The following PIEZO1 variants were observed in gnomAD, a reference collection of about 807,000 sequenced individuals.
PIEZO1 encodes piezo type mechanosensitive ion channel component 1 (Er blood group).
Under a neutral mutation model 297.2 loss-of-function variants are expected in PIEZO1, and 296 were observed. The ratio of observed to expected loss-of-function variants is 1.00; its 90% confidence interval spans 0.91 to 1.10. The LOEUF (loss-of-function observed/expected upper bound fraction) is 1.10. Ranked by LOEUF, PIEZO1 falls within the 50% of genes least tolerant of loss-of-function variation. PIEZO1 has a pLI of 0.00. For synonymous variants in PIEZO1, 2,427 were observed against 1,507.5 expected (o/e 1.61, Z -14.13); for missense variants, 5,018 against 3,455.5 (o/e 1.45, Z -11.34).
chr16:88,745,907 G>T (rs1004837242), intron 2 of PIEZO1, among the ~76,000 whole-genome samples: 1 of 152,220 alleles, frequency 6.6e-6, no homozygotes, highest in African/African-American at 2.4e-5. Context: ...CCCCGGCACG[G>T]CCTGCAAAGG....
Position 88,737,917 on chromosome 16 carries a change from G to T in PIEZO1, c.1020+17C>A. 1 of 1,530,002 alleles carries T rather than the reference G, an allele frequency of 6.5e-7. No individual in the cohort carries two copies. Among genetic ancestry groups the T allele is most frequent in the Non-Finnish European group, 8.8e-7 (1 of 1,142,528 alleles). 94.8% of individuals were successfully genotyped at this position (1,530,002 alleles called of 1,614,324 possible). ...GGCCTGGCCTCAGCCCACCCACCAT[G>T]GGTGGCAGGTGCTCACCTGGCCGGA... is the stretch of plus-strand genomic sequence containing the variant. On this transcript the variant is annotated intron_variant, in intron 8 of 50. Transcript: ENST00000301015.
rs1001956636 is a variant in PIEZO1, at chr16:88,734,760, G to A, written c.1887C>T (p.Phe629=). 2.3e-5 allele frequency: 35 copies of A among 1,550,200 alleles called. No individual in the cohort carries two copies. The highest frequency in any genetic ancestry group is 3.0e-5 in the Non-Finnish European group (34 of 1,146,898). The change falls in exon 15 of 51, where the codon TTC becomes TTT. Residue 629 remains phenylalanine, a synonymous_variant. Transcript: ENST00000301015. ...YSLWRKLLKA[F]WWLVVAYTML... is the part of the protein sequence containing the mutation. Reference sequence around the variant, plus strand: ...TGGTGTAGGCCACCACGAGCCACCAGAAGGCCTTGAGCAGCTTCCGCCACA... The same window carrying A: ...TGGTGTAGGCCACCACGAGCCACCAAAAGGCCTTGAGCAGCTTCCGCCACA...
At position 88,716,435 on chromosome 16, in the gene PIEZO1, C is replaced by G. The variant is rs1026404950; in HGVS notation, c.6975G>C (p.Met2325Ile). ...GTVEYANEKH[M>I]LALAPNSTAR... ...CAGTGCTGTTGGGGGCCAGGGCCAGCATGTGCTTCTCGTTGGCATACTCCA... is the reference window on the plus strand; with the variant it reads ...CAGTGCTGTTGGGGGCCAGGGCCAGGATGTGCTTCTCGTTGGCATACTCCA... Residue 2325 changes from methionine to isoleucine, a missense_variant, in exon 48 of 51, where the codon ATG becomes ATC. Transcript: ENST00000301015. 1.9e-6 allele frequency: 3 copies of G among 1,549,816 alleles called. No individual in the cohort carries two copies. Among genetic ancestry groups the G allele is most frequent in the South Asian group, 2.4e-5 (2 of 83,966 alleles).
At chr16:88,773,018 T>C (rs905423912) in intron 1 of PIEZO1, among the ~76,000 whole-genome samples, 8 of 152,308 alleles carry the variant, frequency 5.3e-5, no homozygotes, top group Non-Finnish European at 8.8e-5. Context: ...GCCTCTGGAA[T>C]GTGAGGCGGC....
At chr16:88,775,726 C>CAAAAAAA (rs3052234) in intron 1 of PIEZO1, among the ~76,000 whole-genome samples, 9 of 98,490 alleles carry the variant, frequency 9.1e-5, no homozygotes, top group Non-Finnish European at 1.3e-4. Context: ...AAGACGCTGT[C>CAAAAAAA]AAAAAAAAAA....
rs978028275 is a variant in PIEZO1, at chr16:88,731,517, C to T, written c.3196+189G>A. ...GAGAACAGCAGAGCCTGGAGGGGGC[C>T]AGGCCGCCCCCGAGAGACAGGATGC... On this transcript the variant is annotated intron_variant, in intron 22 of 50. Coordinates refer to ENST00000301015, the MANE Select transcript of PIEZO1 (RefSeq NM_001142864.4). The T allele has an allele frequency of 2.7e-5, 16 of 587,692 alleles. No individual in the cohort carries two copies. The African/African-American group carries it at 2.8e-4, about 10-fold the overall frequency. The allele number at this position is 587,692 out of a possible 1,614,324, so 36.4% of individuals were successfully genotyped here.
At chr16:88,722,158 C>G (rs1904284081) in intron 36 of PIEZO1, 60 bp downstream of exon 36, 2 of 1,522,826 alleles carry the variant, frequency 1.3e-6, no homozygotes, top group Admixed American at 2.0e-5. Flanking sequence ...TCTCCTGCCC[C>G]TGTTCGGCTG....
intron 1 of PIEZO1, among the ~76,000 whole-genome samples, chr16:88,750,272 G>T (rs1457211832): frequency 1.3e-5 from 2 of 151,492 alleles, no homozygotes; most frequent in South Asian, 4.2e-4. Flanking sequence ...GGAGGTGGAG[G>T]TTGCAGTGAG....
At position 88,715,388 on chromosome 16, in the gene PIEZO1, T is replaced by A; in HGVS notation, c.*217A>T. The A allele has an allele frequency of 9.5e-7, 1 of 1,048,826 alleles. No individual in the cohort carries two copies. Among genetic ancestry groups the A allele is most frequent in the Non-Finnish European group, 1.4e-6 (1 of 739,312 alleles). 65.0% of individuals were successfully genotyped at this position (1,048,826 alleles called of 1,614,324 possible). On this transcript the variant is annotated 3_prime_UTR_variant, in exon 51 of 51. Transcript: ENST00000301015. ...AACATTTTTTAATTAAAAAAAAAACTCTACAGTACACGTGGGGGACGGCAG... is the reference window on the plus strand; with the variant it reads ...AACATTTTTTAATTAAAAAAAAAACACTACAGTACACGTGGGGGACGGCAG...
At position 88,739,140 on chromosome 16, in the gene PIEZO1, G is replaced by A. The variant is rs540908010; in HGVS notation, c.466-404C>T. On this transcript the variant is annotated intron_variant, in intron 5 of 50. Transcript: ENST00000301015. ...CCGGGGGGTCTCTAGAGACCAAGGG[G>A]GCCTGAGGGACATGGCCAGGCTCCA... 1.2e-3 allele frequency: 222 copies of A among 183,498 alleles called. 1 individual carries two copies. Among genetic ancestry groups the A allele is most frequent in the African/African-American group, 5.0e-3 (213 of 42,504 alleles). The allele number at this position is 183,498 out of a possible 1,614,324, so 11.4% of individuals were successfully genotyped here.
In PIEZO1 at chr16:88,725,061, GC is replaced by G; in HGVS notation, c.4181del (p.Gly1394AlafsTer59). 2.7e-6 allele frequency: 4 copies of G among 1,500,558 alleles called. No homozygotes were observed. The highest frequency in any genetic ancestry group is 2.6e-5 in the South Asian group (2 of 76,556). 93.0% of individuals were successfully genotyped at this position (1,500,558 alleles called of 1,614,324 possible). ...ACCACTGCCTCCGTGGCGGGGAGGA[GC>G]CCCCTGGACTGTCGGGCCCTGTGGA... ...GLEPGPDSPG[G>X]SSPPRRQWWR... is the part of the protein sequence containing the mutation. On this transcript the variant is annotated frameshift_variant, in exon 30 of 51. Transcript: ENST00000301015. LOFTEE classifies it high-confidence loss of function.
chr16:88,720,564 T>TTCCCCCCCCCCCCC, intron 40 of PIEZO1, 32 bp from the exon 41 acceptor site: 4 of 1,542,046 alleles, frequency 2.6e-6, no homozygotes, highest in Non-Finnish European at 3.5e-6. Context: ...CTGGGCCCAG[T>TTCCCCCCCCCCCCC]ACCCGCCTCC....
intron 1 of PIEZO1, among the ~76,000 whole-genome samples, chr16:88,760,604 G>A (rs1906885620): frequency 6.6e-6 from 1 of 152,068 alleles, no homozygotes; most frequent in Non-Finnish European, 1.5e-5. Context: ...GCAGGACCCA[G>A]GGAGCCCAGG....
chr16:88,716,854 G>A lies in PIEZO1; in HGVS notation c.6705C>T (p.Phe2235=), dbSNP rs747798306. Residue 2235 remains phenylalanine, a synonymous_variant, in exon 46 of 51, where the codon TTC becomes TTT. Transcript: ENST00000301015. ...MSAQQPSIIP[F]TAQAYEELSR... is the part of the protein sequence containing the mutation. ...ACAGCTCCTCATAGGCCTGGGCCGT[G>A]AAGGGGATGATGGACGGCTGCTGGG... is the stretch of plus-strand genomic sequence containing the variant. The A allele has an allele frequency of 1.1e-4, 175 of 1,550,042 alleles. No individual in the cohort carries two copies. Among genetic ancestry groups the A allele is most frequent in the Non-Finnish European group, 1.4e-4 (160 of 1,146,962 alleles).
rs772067630 is a variant in PIEZO1 at position 88,721,223 on chromosome 16, G to C, written c.5611C>G (p.Leu1871Val). ...TCCTTCTTCCTTCTTCTAAAACGTA[G>C]ACTGATGCGCCTCGTATCACGGGGC... ...LRPRDTRRIS[L>V]RFRRRKKEGP... The change falls in exon 39 of 51, where the codon CTA becomes GTA. Residue 1871 changes from leucine (L) to valine (V), a missense_variant. Leu to Val is a conservative substitution (Grantham distance 32). Transcript: ENST00000301015. 6.5e-7 allele frequency: 1 copy of C among 1,537,386 alleles called. No homozygotes were observed. The highest frequency in any genetic ancestry group is 8.7e-7 in the Non-Finnish European group (1 of 1,144,502).
At position 88,738,563 on chromosome 16, in the gene PIEZO1, C is replaced by A; in HGVS notation, c.634+5G>T. ...ACTGCCAGTGCCCCCTGCCTCGGTG[C>A]GTACCTGCCAGTGCAAGCAGTGTTA... On this transcript the variant is annotated splice_donor_5th_base_variant and intron_variant, in intron 6 of 50. Transcript: ENST00000301015. 1.3e-6 allele frequency: 2 copies of A among 1,534,064 alleles called. No homozygotes were observed. Among genetic ancestry groups the A allele is most frequent in the Non-Finnish European group, 8.7e-7 (1 of 1,145,562 alleles).
In PIEZO1 at chr16:88,719,841, G is replaced by A. The variant is rs530443747; in HGVS notation, c.6284C>T (p.Thr2095Ile). ...GAGGTTGAGATGATTGTACTTCTTG[G>A]TGAGGAAGTTGCCGAGGATGCGGGT... The part of the protein sequence containing the change: ...YPTRILGNFL[T>I]KKYNHLNLFL... Residue 2095 changes from threonine to isoleucine, a missense_variant, in exon 43 of 51, where the codon ACC becomes ATC. Transcript: ENST00000301015. 1.7e-5 allele frequency: 26 copies of A among 1,550,576 alleles called. No individual in the cohort carries two copies. Among genetic ancestry groups the A allele is most frequent in the Non-Finnish European group, 2.3e-5 (26 of 1,146,954 alleles).
At chr16:88,775,149 C>A (rs1026800969) in intron 1 of PIEZO1, among the ~76,000 whole-genome samples, 4 of 152,196 alleles carry the variant, frequency 2.6e-5, no homozygotes, top group African/African-American at 9.7e-5. Context: ...GCAGAGGGGC[C>A]GTCCCTGACC....
In PIEZO1 at chr16:88,716,636, G is replaced by T. The variant is rs1264054211; in HGVS notation, c.6849C>A (p.Pro2283=). 5 of 1,549,470 alleles carry T rather than the reference G, an allele frequency of 3.2e-6. No homozygotes were observed. The highest frequency in any genetic ancestry group is 4.4e-6 in the Non-Finnish European group (5 of 1,146,858). The part of the protein sequence containing the change: ...SSGALWRISP[P]SRAQMKRELY... ...GCTCCCGCTTCATCTGGGCACGGCT[G>T]GGGGGACTGATGCGCCACAGCGCCC... Residue 2283 remains proline, a synonymous_variant, in exon 47 of 51, where the codon CCC becomes CCA. Coordinates refer to ENST00000301015, the MANE Select transcript of PIEZO1 (RefSeq NM_001142864.4).
Sources: allele counts gnomAD v4.1 joint callset (sites outside exome capture counted in the v4.1 genomes callset), GRCh38; gene constraint gnomAD v4.1.1; transcripts MANE v1.5; gene names NCBI Gene and HGNC (gene_info 2026-07-23, HGNC 2026-07-21).